SLC23A2: variants seen among roughly 807,000 people sequenced by gnomAD.
The protein encoded by SLC23A2 is Na(+)/L-ascorbic acid transporter 2.
Under a neutral mutation model 73.3 loss-of-function variants are expected in SLC23A2, and 36 were observed. The observed-to-expected ratio is 0.49, with a 90% CI of 0.38 to 0.65. The LOEUF is 0.65. Ranked by LOEUF, SLC23A2 falls within the 30% of genes least tolerant of loss-of-function variation. The pLI, the probability that SLC23A2 is intolerant of heterozygous loss-of-function variation, is 0.00. For missense variants in SLC23A2, 507 were observed against 841.6 expected, an observed-to-expected ratio of 0.60 and a Z score of 4.92; for synonymous variants, 343 against 327.3, an observed-to-expected ratio of 1.05 and a Z score of -0.52.
At chr20:4,999,515 C>G (rs888099338) in intron 1 of SLC23A2, among the ~76,000 whole-genome samples, 2 of 151,770 alleles carry the variant, frequency 1.3e-5, no homozygotes, top group Non-Finnish European at 2.9e-5. Flanking sequence ...ATTTTTCTAG[C>G]CAGGTACTGG....
intron 2 of SLC23A2, among the ~76,000 whole-genome samples, chr20:4,948,389 C>T (rs2087149421): frequency 6.6e-6 from 1 of 152,152 alleles, no homozygotes; most frequent in Non-Finnish European, 1.5e-5. Flanking sequence ...ATTCCATTTG[C>T]AAATCTCTTG....
At chr20:4,927,120 A>G (rs1275320874) in intron 3 of SLC23A2, among the ~76,000 whole-genome samples, 1 of 152,100 alleles carries the variant, frequency 6.6e-6, no homozygotes, top group Non-Finnish European at 1.5e-5. Flanking sequence ...TGGGCTAGCC[A>G]CTAGCCACGT....
chr20:4,892,965 G>A (rs1029444681), intron 6 of SLC23A2, among the ~76,000 whole-genome samples: 1 of 152,048 alleles, frequency 6.6e-6, no homozygotes, highest in African/African-American at 2.4e-5. Flanking sequence ...CAGAATGATT[G>A]TTAATGTTCT....
intron 11 of SLC23A2, among the ~76,000 whole-genome samples, chr20:4,870,622 GA>G (rs1366895242): frequency 9.9e-5 from 15 of 151,936 alleles, no homozygotes; most frequent in Non-Finnish European, 1.2e-4. Flanking sequence ...TGGGCTGGAA[GA>G]GGCTGTAACT....
At chr20:4,981,525 T>C (rs995643090) in intron 1 of SLC23A2, among the ~76,000 whole-genome samples, 1 of 152,190 alleles carries the variant, frequency 6.6e-6, no homozygotes, top group Admixed American at 6.6e-5. Context: ...CCAGCATCCG[T>C]AGTTTTTTAA....
chr20:4,932,302 G>A (rs375729059), intron 3 of SLC23A2, among the ~76,000 whole-genome samples, 153 bp downstream of exon 3: 2 of 152,274 alleles, frequency 1.3e-5, no homozygotes, highest in East Asian at 1.9e-4. Context: ...AAACCCAAGA[G>A]TTAGCCCAAA....
At chr20:4,943,048 T>C (rs2087067154) in intron 2 of SLC23A2, among the ~76,000 whole-genome samples, 1 of 146,270 alleles carries the variant, frequency 6.8e-6, no homozygotes, top group Non-Finnish European at 1.5e-5. Context: ...ACTCTGACTC[T>C]ACAAAAAATA....
chr20:4,922,329 A>C (rs2122918191), intron 3 of SLC23A2, among the ~76,000 whole-genome samples: 2 of 152,302 alleles, frequency 1.3e-5, no homozygotes, highest in South Asian at 4.1e-4. Flanking sequence ...TGTCACGATG[A>C]TCCCAGGAAG....
At chr20:4,977,688 ACT>A (rs1382778234) in intron 1 of SLC23A2, among the ~76,000 whole-genome samples, 1 of 143,406 alleles carries the variant, frequency 7.0e-6, no homozygotes, top group Non-Finnish European at 1.5e-5. Flanking sequence ...ACAGAGCGAG[ACT>A]CTGTCCCCAA....
At chr20:4,979,008 G>C (rs6038026) in intron 1 of SLC23A2, among the ~76,000 whole-genome samples, 1 of 151,920 alleles carries the variant, frequency 6.6e-6, no homozygotes. Flanking sequence ...GACCAGGCAC[G>C]GTGGCTCACG....
At chr20:4,875,779 C>T (rs993425128) in intron 9 of SLC23A2, among the ~76,000 whole-genome samples, 5 of 152,224 alleles carry the variant, frequency 3.3e-5, no homozygotes, top group South Asian at 2.1e-4. Flanking sequence ...AGCCTCCACG[C>T]GGTCTCGCTC....
chr20:4,869,486 C>CTA (rs753879791), intron 12 of SLC23A2: 2,162 of 148,346 alleles, frequency 0.015, 43 homozygotes, highest in Middle Eastern at 0.042. Flanking sequence ...CTCTCTCTCT[C>CTA]TATATATATA....
At chr20:4,906,192 T>A (rs993069270) in intron 4 of SLC23A2, among the ~76,000 whole-genome samples, 2 of 152,102 alleles carry the variant, frequency 1.3e-5, no homozygotes, top group African/African-American at 4.8e-5. Flanking sequence ...CAAACAAAAA[T>A]TAGCTGGGTG....
At chr20:4,933,763 C>G (rs371555749) in intron 2 of SLC23A2, among the ~76,000 whole-genome samples, 2 of 152,122 alleles carry the variant, frequency 1.3e-5, no homozygotes, top group East Asian at 1.9e-4. Context: ...GTGGGAAGGG[C>G]AGAGTGCATC....
intron 1 of SLC23A2, among the ~76,000 whole-genome samples, chr20:4,977,846 G>A (rs2087668346): frequency 6.6e-6 from 1 of 151,972 alleles, no homozygotes; most frequent in Non-Finnish European, 1.5e-5. Flanking sequence ...GCCTATTTGT[G>A]ATTTTTTAAA....
Position 4,902,927 on chromosome 20 carries a change from T to C in SLC23A2, c.208-369A>G, listed in dbSNP as rs1931804086. On this transcript the variant is annotated intron_variant, in intron 4 of 16. Transcript: ENST00000338244. This position sits in a 1 kb window ranked among gnomAD's most constrained non-coding sequence, Gnocchi z 4.0. ...AGCAGTCCTTGCGTGAGACCCCAGA[T>C]GAAAAAAATCTTAGAAAATTTTAAC... 6.6e-6 allele frequency among the ~76,000 whole-genome samples: 1 copy of C among 152,186 alleles called. No homozygotes were observed. The highest frequency in any genetic ancestry group is 2.4e-5 in the African/African-American group (1 of 41,514).
In SLC23A2 at chr20:4,911,042, G is replaced by A. The variant is rs185027858; in HGVS notation, c.207+1838C>T. ...AAGACGATCTCCAGACAGAGAAGGA[G>A]GAAGTCTGAAAACATGACAGCCTGG... On this transcript the variant is annotated intron_variant, in intron 4 of 16. Coordinates refer to ENST00000338244, the MANE Select transcript of SLC23A2 (RefSeq NM_005116.6). 5.8e-4 allele frequency among the ~76,000 whole-genome samples: 89 copies of A among 152,320 alleles called. 1 individual carries two copies. The highest frequency in any genetic ancestry group is 1.1e-3 in the Admixed American group (17 of 15,302).
At chr20:4,954,286 T>C (rs1204221592) in intron 2 of SLC23A2, among the ~76,000 whole-genome samples, 1 of 152,210 alleles carries the variant, frequency 6.6e-6, no homozygotes, top group East Asian at 1.9e-4. Context: ...AAGGCTAATA[T>C]AATAGATATC....
At chr20:4,866,810 GAC>G (rs145692777) in intron 13 of SLC23A2, among the ~76,000 whole-genome samples, 2 of 152,118 alleles carry the variant, frequency 1.3e-5, no homozygotes, top group African/African-American at 2.4e-5. Flanking sequence ...CTCCCAATTT[GAC>G]AGAGGTCAAC....
Sources: gnomAD v4.1 joint callset for allele counts (sites outside exome capture counted in the v4.1 genomes callset) on GRCh38, gnomAD v4.1.1 for gene constraint, Gnocchi (gnomAD v3.1) non-coding constraint, MANE v1.5 for transcripts, NCBI Gene and HGNC (gene_info 2026-07-23, HGNC 2026-07-21) for gene names.